Variants in PSG6 observed in about 807,000 individuals in gnomAD.
PSG6 encodes the protein pregnancy specific beta-1-glycoprotein 6.
In PSG6, 51 loss-of-function variants were observed where a neutral mutation model predicts 43.3. The ratio of observed to expected loss-of-function variants is 1.18; its 90% confidence interval spans 0.94 to 1.49. PSG6 has a LOEUF of 1.49. Ranked by LOEUF, PSG6 falls within the 40% of genes most tolerant of loss-of-function variation. The pLI, the probability that PSG6 is intolerant of heterozygous loss-of-function variation, is 0.00. For missense variants in PSG6, 770 were observed against 522.2 expected, an observed-to-expected ratio of 1.47 and a Z score of -4.62; for synonymous variants, 292 against 197.6, an observed-to-expected ratio of 1.48 and a Z score of -4.01.
chr19:42,917,075 G>GTT (rs35271138), intron 1 of PSG6, among the ~76,000 whole-genome samples: 2,050 of 150,756 alleles, frequency 0.014, 57 homozygotes, highest in Middle Eastern at 0.034. Flanking sequence ...TGCCCTGGGT[G>GTT]TTTTTTTTCC....
At chr19:42,906,269 G>A (rs1177636571) in intron 5 of PSG6, among the ~76,000 whole-genome samples, 1 of 151,546 alleles carries the variant, frequency 6.6e-6, no homozygotes, top group African/African-American at 2.4e-5. Flanking sequence ...CAGCCCTGAA[G>A]CTCCCTCTCT....
In PSG6 at chr19:42,908,330, A is replaced by G. The variant is rs563710649; in HGVS notation, c.707-476T>C. Among the ~76,000 whole-genome samples the G allele has an allele frequency of 3.5e-3, 527 of 151,918 alleles. 15 individuals are homozygous for G. Among genetic ancestry groups the G allele is most frequent in the South Asian group, 5.0e-3 (24 of 4,780 alleles). ...TTCCCATTGTCCTGAAACCCTGCAG[A>G]TACTGAGCAGCCTGGCCTGGGACTG... On this transcript the variant is annotated intron_variant, in intron 3 of 5. Transcript: ENST00000187910.
At chr19:42,912,812 C>T (rs926030753) in intron 2 of PSG6, among the ~76,000 whole-genome samples, 5 of 151,620 alleles carry the variant, frequency 3.3e-5, no homozygotes, top group Non-Finnish European at 5.9e-5. Flanking sequence ...CTTATGAAAA[C>T]GGCATCATCA....
chr19:42,903,383 A>G (rs1972064629), intron 5 of PSG6, among the ~76,000 whole-genome samples: 1 of 151,622 alleles, frequency 6.6e-6, no homozygotes, highest in Admixed American at 6.6e-5. Flanking sequence ...TTAATACTTC[A>G]GGATACGAAA....
intron 5 of PSG6, among the ~76,000 whole-genome samples, chr19:42,906,346 T>A (rs1044746867): frequency 1.3e-5 from 2 of 151,520 alleles, no homozygotes; most frequent in African/African-American, 4.8e-5. Context: ...TTAGCCAACT[T>A]CAGGACAGGC....
intron 3 of PSG6, among the ~76,000 whole-genome samples, chr19:42,909,490 C>A (rs1366486723): frequency 3.3e-5 from 5 of 151,570 alleles, no homozygotes; most frequent in Non-Finnish European, 1.5e-5. Flanking sequence ...ATTGAATCTG[C>A]AACTCAATTG....
rs192883513 is a variant in PSG6, at chr19:42,911,103, A to G, written c.428-245T>C. On this transcript the variant is annotated intron_variant, in intron 2 of 5. Transcript: ENST00000187910. ...GTGAATTGAGCAGCAGCATTGGGTC[A>G]TGGAAAGACACAGGACCAGCAGTCA... Among the ~76,000 whole-genome samples the G allele has an allele frequency of 8.1e-4, 123 of 151,714 alleles. 2 individuals carry two copies. Among genetic ancestry groups the G allele is most frequent in the African/African-American group, 2.7e-3 (112 of 41,382 alleles).
Position 42,911,631 on chromosome 19 carries a change from A to C in PSG6, c.428-773T>G, listed in dbSNP as rs138482576. ...CCCCTGTAGAGGGCAGTTGAGGACC[A>C]TATGGATCTTTCTAGAAATACATGT... On this transcript the variant is annotated intron_variant, in intron 2 of 5. Coordinates refer to ENST00000187910, the MANE Select transcript of PSG6 (RefSeq NM_001031850.4). Among the ~76,000 whole-genome samples the C allele has an allele frequency of 3.0e-3, 451 of 151,896 alleles. 8 individuals are homozygous for C. Among genetic ancestry groups the C allele is most frequent in the African/African-American group, 0.01 (427 of 41,454 alleles).
At chr19:42,915,988 C>CA in intron 2 of PSG6, 137 bp downstream of exon 2, 1 of 1,443,192 alleles carries the variant, frequency 6.9e-7, no homozygotes, top group Non-Finnish European at 9.5e-7. Context: ...GTGTGTCCTG[C>CA]ACTAAATGCC....
chr19:42,912,463 G>A (rs1221970601), intron 2 of PSG6, among the ~76,000 whole-genome samples: 1 of 151,748 alleles, frequency 6.6e-6, no homozygotes, highest in Admixed American at 6.6e-5. Context: ...TATGCTCAAA[G>A]AAAGATGCCA....
chr19:42,903,428 G>T (rs1259060706), intron 5 of PSG6, among the ~76,000 whole-genome samples: 3 of 151,266 alleles, frequency 2.0e-5, no homozygotes, highest in Admixed American at 2.0e-4. Flanking sequence ...AGTGAATGAG[G>T]GAAATAATAA....
intron 5 of PSG6, among the ~76,000 whole-genome samples, chr19:42,904,924 G>C (rs1285473648): frequency 6.6e-6 from 1 of 151,622 alleles, no homozygotes; most frequent in African/African-American, 2.4e-5. Context: ...GTGTGGTACT[G>C]GCATAAAGGA....
At chr19:42,911,410 C>T (rs1972222739) in intron 2 of PSG6, among the ~76,000 whole-genome samples, 1 of 151,466 alleles carries the variant, frequency 6.6e-6, no homozygotes, top group African/African-American at 2.4e-5. Context: ...GCCTGGAGGT[C>T]AGTTCAGTCA....
intron 2 of PSG6, among the ~76,000 whole-genome samples, chr19:42,912,213 G>C (rs1812066786): frequency 6.6e-6 from 1 of 151,490 alleles, no homozygotes; most frequent in African/African-American, 2.4e-5. Flanking sequence ...GTGGATTTCT[G>C]GATTTCCGAT....
In PSG6 at chr19:42,902,114, T is replaced by C. The variant is rs1972043897; in HGVS notation, c.*298A>G. On this transcript the variant is annotated 3_prime_UTR_variant, in exon 6 of 6. Coordinates refer to ENST00000187910, the MANE Select transcript of PSG6 (RefSeq NM_001031850.4). ...ACTTGTGCAAATAACTTTATTACCATAAACCTATGAATACTCATGAATAGT... is the reference window on the plus strand; with the variant it reads ...ACTTGTGCAAATAACTTTATTACCACAAACCTATGAATACTCATGAATAGT... 1 of 319,204 alleles carries C rather than the reference T, an allele frequency of 3.1e-6. No individual in the cohort carries two copies. Among genetic ancestry groups the C allele is most frequent in the Non-Finnish European group, 5.9e-6 (1 of 169,794 alleles). 19.8% of individuals were successfully genotyped at this position (319,204 alleles called of 1,614,324 possible). A position where few individuals can be genotyped will look rare whatever the true frequency, so the allele number is the denominator to read the frequency against.
intron 2 of PSG6, among the ~76,000 whole-genome samples, chr19:42,911,131 GC>G (rs1186258697): frequency 1.3e-5 from 2 of 151,614 alleles, no homozygotes; most frequent in Non-Finnish European, 2.9e-5. Context: ...AGCAGTCACA[GC>G]CCCTGGTGCC....
rs138762497 is a variant in PSG6 at position 42,916,720 on chromosome 19, C to T, written c.65-233G>A. On this transcript the variant is annotated intron_variant, in intron 1 of 5. Transcript: ENST00000187910. ...GCATGACCCCCATTCCTTCAACACT[C>T]CTGACCTTGGCATTTTTCTGTTTGC... 1.4e-4 allele frequency among the ~76,000 whole-genome samples: 21 copies of T among 151,160 alleles called. No homozygotes were observed. In the East Asian group the frequency reaches 2.0e-3, roughly 14 times the overall value.
chr19:42,917,040 A>T (rs1470094725), intron 1 of PSG6, among the ~76,000 whole-genome samples: 2 of 150,908 alleles, frequency 1.3e-5, no homozygotes, highest in African/African-American at 2.4e-5. Context: ...ACTCCTGTAG[A>T]TGTGAGAGTT....
In PSG6 at chr19:42,916,490, A is replaced by G. The variant is rs748370320; in HGVS notation, c.65-3T>C. ...GTTCCAGAAGTTTAAAAGTGATGCT[A>G]GGAGGTAGAGACAGCATCAGTTAAT... On this transcript the variant is annotated splice_polypyrimidine_tract_variant and splice_region_variant and intron_variant, in intron 1 of 5. Coordinates refer to ENST00000187910, the MANE Select transcript of PSG6 (RefSeq NM_001031850.4). 18 of 1,607,634 alleles carry G rather than the reference A, an allele frequency of 1.1e-5. No individual in the cohort carries two copies. The highest frequency in any genetic ancestry group is 1.7e-4 in the Middle Eastern group (1 of 6,034).
Sources: gnomAD v4.1 joint callset for allele counts (sites outside exome capture counted in the v4.1 genomes callset) on GRCh38, gnomAD v4.1.1 for gene constraint, MANE v1.5 for transcripts, NCBI Gene and HGNC (gene_info 2026-07-23, HGNC 2026-07-21) for gene names.